ZNF805: variants seen among roughly 807,000 people sequenced by gnomAD.
ZNF805 encodes CTC-444N24.8.
In ZNF805, 7 loss-of-function variants were observed where a neutral mutation model predicts 13.6. The ratio of observed to expected loss-of-function variants is 0.51; its 90% CI spans 0.29 to 0.97. The LOEUF (loss-of-function observed/expected upper bound fraction) is 0.97, where lower values mean the gene tolerates loss of function less well. Among genes scored for constraint, ZNF805 ranks in the 50% least tolerant of loss-of-function variants. The pLI, the probability that ZNF805 is intolerant of heterozygous loss-of-function variation, is 0.08. For synonymous variants in ZNF805, 293 were observed against 279.8 expected, an observed-to-expected ratio of 1.05 and a Z score of -0.47; for missense variants, 604 against 771.0, an observed-to-expected ratio of 0.78 and a Z score of 2.57.
intron 1 of ZNF805, among the ~76,000 whole-genome samples, chr19:57,241,153 A>G (rs950444204): frequency 2.0e-5 from 3 of 152,020 alleles, no homozygotes; most frequent in African/African-American, 7.3e-5. Flanking sequence ...GTGACGTACA[A>G]TTTTTTTGTA....
rs1323089064 is a variant in ZNF805 at position 57,257,703 on chromosome 19, T to C, written c.*3000T>C. On this transcript the variant is annotated 3_prime_UTR_variant, in exon 4 of 4. Transcript: ENST00000414468. ...TTTATATCCAGTTTGCGTATCTTTT[T>C]TTTTTTTTTTTTTTTTTTTTGAGAC... Among the ~76,000 whole-genome samples, 5 of 141,024 alleles carry C rather than the reference T, an allele frequency of 3.5e-5. No homozygotes were observed. The highest frequency in any genetic ancestry group is 7.7e-5 in the Non-Finnish European group (5 of 65,242). The allele number at this position is 141,024 out of a possible 152,430, so 92.5% of individuals were successfully genotyped here. A position where few individuals can be genotyped will look rare whatever the true frequency, so the allele number is the denominator to read the frequency against.
chr19:57,254,912 TAGAA>T lies in ZNF805; in HGVS notation c.*211_*214del, dbSNP rs1293093624. Reference sequence around the variant, plus strand: ...TTTTTATAAACAGAAAGAGGTGACATAGAAAAGAAAATGAAATGCAGACACTGCT... The same window carrying T: ...TTTTTATAAACAGAAAGAGGTGACATAAGAAAATGAAATGCAGACACTGCT... On this transcript the variant is annotated 3_prime_UTR_variant, in exon 4 of 4. Coordinates refer to ENST00000414468, the MANE Select transcript of ZNF805 (RefSeq NM_001023563.4). 1.1e-5 allele frequency: 6 copies of T among 565,722 alleles called. No homozygotes were observed. In the East Asian group the frequency reaches 1.8e-4, roughly 17 times the overall value. The allele number at this position is 565,722 out of a possible 1,614,324, so 35.0% of individuals were successfully genotyped here. A position where few individuals can be genotyped will look rare whatever the true frequency, so the allele number is the denominator to read the frequency against.
chr19:57,250,869 G>T (rs894227678), intron 3 of ZNF805, among the ~76,000 whole-genome samples: 1 of 152,150 alleles, frequency 6.6e-6, no homozygotes, highest in African/African-American at 2.4e-5. Context: ...GTTTTTTCAA[G>T]AGTTTATATT....
At chr19:57,243,663 T>TA (rs2087592947) in intron 1 of ZNF805, among the ~76,000 whole-genome samples, 1 of 152,248 alleles carries the variant, frequency 6.6e-6, no homozygotes, top group Non-Finnish European at 1.5e-5. Context: ...CCTCGAACTC[T>TA]AATTGTCTAC....
chr19:57,253,852 T>C lies in ZNF805; in HGVS notation c.1033T>C (p.Cys345Arg). 6.2e-7 allele frequency: 1 copy of C among 1,613,974 alleles called. No individual in the cohort carries two copies. Among genetic ancestry groups the C allele is most frequent in the Non-Finnish European group, 8.5e-7 (1 of 1,179,998 alleles). ...IIHSGENPYECFECGKVFKHR... is the reference protein window; with the variant it reads ...IIHSGENPYERFECGKVFKHR... ...CCACAGTGGTGAGAATCCCTACGAG[T>C]GCTTCGAATGTGGCAAGGTCTTCAA... The change falls in exon 4 of 4, where the codon TGC (cysteine) becomes CGC (arginine). Residue 345 changes from cysteine (C) to arginine (R), a missense_variant. By Grantham distance (180) the Cys-to-Arg change is radical (BLOSUM62 -3). This residue lies in a region of ZNF805 where 228 missense variants were observed against 352.8 expected (regional missense o/e 0.65). Transcript: ENST00000414468. This position sits in a 1 kb window ranked among gnomAD's most constrained non-coding sequence, Gnocchi z 4.4.
intron 3 of ZNF805, among the ~76,000 whole-genome samples, chr19:57,252,402 A>G (rs890897423): frequency 6.6e-6 from 1 of 152,224 alleles, no homozygotes; most frequent in East Asian, 1.9e-4. Flanking sequence ...AAAACCTATT[A>G]TACTCACAGT....
intron 2 of ZNF805, among the ~76,000 whole-genome samples, chr19:57,247,010 GA>G (rs1382763143): frequency 2.0e-5 from 3 of 147,288 alleles, no homozygotes; most frequent in African/African-American, 7.6e-5. Flanking sequence ...TTTTTGTGTA[GA>G]AAAAATTCTT....
At chr19:57,251,902 A>G (rs1272572536) in intron 3 of ZNF805, among the ~76,000 whole-genome samples, 2 of 152,184 alleles carry the variant, frequency 1.3e-5, no homozygotes, top group South Asian at 2.1e-4. Context: ...GCCATCTACC[A>G]AAGCCCCATC....
Position 57,253,520 on chromosome 19 carries a change from C to G in ZNF805, c.701C>G (p.Thr234Arg), listed in dbSNP as rs761081293. 9 of 1,611,826 alleles carry G rather than the reference C, an allele frequency of 5.6e-6. No individual in the cohort carries two copies. The highest frequency in any genetic ancestry group is 5.5e-5 in the South Asian group (5 of 90,814). The change falls in exon 4 of 4, where the codon ACA becomes AGA. Residue 234 changes from threonine to arginine, a missense_variant. By Grantham distance (71) the Thr-to-Arg change is moderately conservative (BLOSUM62 -1). Transcript: ENST00000414468. This position sits in a 1 kb window ranked among gnomAD's most constrained non-coding sequence, Gnocchi z 4.4. ...IHSGVKPYEC[T>R]ECGKTFSKST... ...TCTGGAGTGAAGCCCTATGAATGCA[C>G]AGAGTGTGGAAAAACCTTTAGCAAG...
chr19:57,250,637 T>G (rs1009756421), intron 3 of ZNF805, among the ~76,000 whole-genome samples: 2 of 152,242 alleles, frequency 1.3e-5, no homozygotes, highest in African/African-American at 4.8e-5. Context: ...GTCAGCTCTT[T>G]GTCCTGCGTG....
chr19:57,241,550 A>G (rs868391354), intron 1 of ZNF805, among the ~76,000 whole-genome samples: 1 of 151,924 alleles, frequency 6.6e-6, no homozygotes, highest in Non-Finnish European at 1.5e-5. Context: ...ATCCGAACTC[A>G]GCCTTGGCCT....
At position 57,240,706 on chromosome 19, in the gene ZNF805, C is replaced by G; in HGVS notation, c.-186C>G. 1.9e-6 allele frequency: 1 copy of G among 524,506 alleles called. No individual in the cohort carries two copies. The highest frequency in any genetic ancestry group is 3.4e-6 in the Non-Finnish European group (1 of 297,860). The allele number at this position is 524,506 out of a possible 1,614,324, so 32.5% of individuals were successfully genotyped here. On this transcript the variant is annotated 5_prime_UTR_variant, in exon 1 of 4. Coordinates refer to ENST00000414468, the MANE Select transcript of ZNF805 (RefSeq NM_001023563.4). ...TCCCTGGCGGCGCTGGGGAAATGAG[C>G]AGGTAGGAGGCCGACAGCGACCTCC...
In ZNF805 at chr19:57,254,244, C is replaced by T. The variant is rs994554915; in HGVS notation, c.1425C>T (p.Ser475=). ...GGGCAGACCTCATTCGCCACTTCAG[C>T]ATCCACACTGGAGAGAAGCCCTATG... The part of the protein sequence containing the change: ...SNRADLIRHF[S]IHTGEKPYEC... Residue 475 remains serine (S), a synonymous_variant, in exon 4 of 4, where the codon AGC becomes AGT. Transcript: ENST00000414468. 53 of 1,612,856 alleles carry T rather than the reference C, an allele frequency of 3.3e-5. No homozygotes were observed. The highest frequency in any genetic ancestry group is 4.3e-5 in the Non-Finnish European group (51 of 1,179,670).
rs925035106 is a variant in ZNF805 at position 57,240,852 on chromosome 19, C to T, written c.-40C>T. The T allele has an allele frequency of 2.6e-6, 4 of 1,543,144 alleles. No individual in the cohort carries two copies. The highest frequency in any genetic ancestry group is 3.5e-6 in the Non-Finnish European group (4 of 1,142,010). ...CTGAGCCCGCGAGACCCGCCCTGCT[C>T]GCCGCAGCCCCCGCCCCGCTAGGGC... On this transcript the variant is annotated 5_prime_UTR_variant, in exon 1 of 4. Coordinates refer to ENST00000414468, the MANE Select transcript of ZNF805 (RefSeq NM_001023563.4).
chr19:57,246,001 G>C (rs1439015830), intron 2 of ZNF805, among the ~76,000 whole-genome samples: 1 of 152,192 alleles, frequency 6.6e-6, no homozygotes, highest in East Asian at 1.9e-4. Flanking sequence ...AGACACTTGA[G>C]GAAGTTGTTC....
chr19:57,247,140 G>A (rs539059852), intron 2 of ZNF805, among the ~76,000 whole-genome samples: 13 of 151,956 alleles, frequency 8.6e-5, no homozygotes, highest in African/African-American at 3.1e-4. Flanking sequence ...GTCTCCAGTA[G>A]CTGGGACTAC....
In ZNF805 at chr19:57,243,909, A is replaced by G. The variant is rs1173159641; in HGVS notation, c.31-14A>G. On this transcript the variant is annotated splice_polypyrimidine_tract_variant and intron_variant, in intron 1 of 3. Transcript: ENST00000414468. ...TCCCACAGCAAACTCTACTACCTCT[A>G]TTTGACATTTCAGGTGTCTGTGACC... is the stretch of plus-strand genomic sequence containing the variant. 13 of 1,613,856 alleles carry G rather than the reference A, an allele frequency of 8.1e-6. No homozygotes were observed. Among genetic ancestry groups the G allele is most frequent in the African/African-American group, 6.7e-5 (5 of 74,880 alleles).
chr19:57,251,144 C>T (rs2087649541), intron 3 of ZNF805, among the ~76,000 whole-genome samples: 1 of 151,936 alleles, frequency 6.6e-6, no homozygotes, highest in Admixed American at 6.6e-5. Flanking sequence ...TTTGATGTTT[C>T]TGGAGTGAAA....
At position 57,241,780 on chromosome 19, in the gene ZNF805, A is replaced by G. The variant is rs558615077; in HGVS notation, c.30+859A>G. 4.6e-5 allele frequency among the ~76,000 whole-genome samples: 7 copies of G among 152,316 alleles called. No homozygotes were observed. In the South Asian group the frequency reaches 1.2e-3, roughly 27 times the overall value. ...TCACCTTTACAGTTCATTCAGCCTC[A>G]GACACTATCCTCAGATCTCTGCAAG... On this transcript the variant is annotated intron_variant, in intron 1 of 3. Coordinates refer to ENST00000414468, the MANE Select transcript of ZNF805 (RefSeq NM_001023563.4).
Sources: allele counts gnomAD v4.1 joint callset (sites outside exome capture counted in the v4.1 genomes callset), GRCh38; gene constraint gnomAD v4.1.1; regional missense constraint gnomAD v4.1.1; non-coding constraint Gnocchi (gnomAD v3.1); transcripts MANE v1.5; gene names NCBI Gene and HGNC (gene_info 2026-07-23, HGNC 2026-07-21).